The following GALNT13 variants were observed in gnomAD, a reference collection of about 807,000 sequenced individuals.
GALNT13 encodes UDP-GalNAc:polypeptide N-acetylgalactosaminyltransferase 13.
Under a neutral mutation model 64.2 loss-of-function variants are expected in GALNT13, and 28 were observed. The observed-to-expected ratio is 0.44, with a 90% confidence interval of 0.32 to 0.60. The LOEUF (loss-of-function observed/expected upper bound fraction) is 0.60. Ranked by LOEUF, GALNT13 falls within the 20% of genes least tolerant of loss-of-function variation. GALNT13 has a pLI of 0.05. For missense variants in GALNT13, 577 were observed against 669.8 expected, an observed-to-expected ratio of 0.86 and a Z score of 1.53; for synonymous variants, 214 against 224.6, an observed-to-expected ratio of 0.95 and a Z score of 0.42.
chr2:154,177,068 G>A (rs1685693269), intron 4 of GALNT13, among the ~76,000 whole-genome samples: 1 of 152,024 alleles, frequency 6.6e-6, no homozygotes, highest in Admixed American at 6.6e-5. Flanking sequence ...CATACATAAT[G>A]TTCAACAACA....
At chr2:153,114,834 C>G in the GALNT13 span, among the ~76,000 whole-genome samples, 1 of 151,652 alleles carries the variant, frequency 6.6e-6, no homozygotes, top group Non-Finnish European at 1.5e-5. Context: ...TCTTTTTTCT[C>G]TTTCCAATCC....
At chr2:153,320,432 T>C in the GALNT13 span, among the ~76,000 whole-genome samples, 6 of 152,166 alleles carry the variant, frequency 3.9e-5, no homozygotes, top group African/African-American at 1.4e-4. Context: ...TCTGTGCTTC[T>C]AGAGATATAA....
At chr2:153,080,974 C>T in the GALNT13 span, among the ~76,000 whole-genome samples, 79 of 151,918 alleles carry the variant, frequency 5.2e-4, no homozygotes, top group Admixed American at 8.5e-4. Flanking sequence ...GTATTCACTG[C>T]CCACCCTTAA....
At chr2:153,835,360 G>A in the GALNT13 span, among the ~76,000 whole-genome samples, 13 of 151,890 alleles carry the variant, frequency 8.6e-5, 2 homozygotes, top group African/African-American at 2.2e-4. Flanking sequence ...GTCCAACAAT[G>A]TACTTTCTTA....
chr2:153,869,520 C>T (rs1209580289), upstream of GALNT13, among the ~76,000 whole-genome samples: 2 of 152,026 alleles, frequency 1.3e-5, no homozygotes, highest in East Asian at 1.9e-4. Flanking sequence ...TTTGCTTTCT[C>T]GTGATTGCAT....
At chr2:153,733,092 C>T in the GALNT13 span, among the ~76,000 whole-genome samples, 1 of 152,054 alleles carries the variant, frequency 6.6e-6, no homozygotes, top group Admixed American at 6.6e-5. Context: ...CTTGATGAAT[C>T]ATTGAGAAGA....
At chr2:154,069,765 A>G (rs1700649411) in intron 3 of GALNT13, among the ~76,000 whole-genome samples, 1 of 152,106 alleles carries the variant, frequency 6.6e-6, no homozygotes, top group Non-Finnish European at 1.5e-5. Flanking sequence ...ACACCTATAC[A>G]TTGAGGAAAG....
At chr2:153,490,494 C>T in the GALNT13 span, among the ~76,000 whole-genome samples, 22 of 152,222 alleles carry the variant, frequency 1.4e-4, no homozygotes, top group Non-Finnish European at 2.4e-4. Flanking sequence ...ATTCTCATGT[C>T]TCAGCCTCCT....
At chr2:154,332,636 T>C (rs1196541743) in intron 9 of GALNT13, among the ~76,000 whole-genome samples, 2 of 152,098 alleles carry the variant, frequency 1.3e-5, no homozygotes, top group Admixed American at 1.3e-4. Context: ...AACAAATCTC[T>C]CCAGAACATG....
At chr2:154,155,878 T>C (rs2105645439) in intron 4 of GALNT13, among the ~76,000 whole-genome samples, 1 of 151,458 alleles carries the variant, frequency 6.6e-6, no homozygotes, top group African/African-American at 2.4e-5. Flanking sequence ...CAACTTGAAA[T>C]AAATGGAGCA....
At chr2:153,135,919 A>T in the GALNT13 span, among the ~76,000 whole-genome samples, 1 of 152,140 alleles carries the variant, frequency 6.6e-6, no homozygotes, top group African/African-American at 2.4e-5. Context: ...ACAAAAAAAT[A>T]ACATGAAGTA....
chr2:153,839,536 T>G, the GALNT13 span, among the ~76,000 whole-genome samples: 247 of 152,034 alleles, frequency 1.6e-3, 2 homozygotes, highest in Middle Eastern at 0.014. Context: ...TCCTTCCTTC[T>G]GTTAATATTG....
At chr2:153,517,828 T>C in the GALNT13 span, among the ~76,000 whole-genome samples, 1 of 152,154 alleles carries the variant, frequency 6.6e-6, no homozygotes, top group African/African-American at 2.4e-5. Context: ...GTATATAGTT[T>C]CAAGGTATCT....
intron 3 of GALNT13, among the ~76,000 whole-genome samples, chr2:154,039,357 C>T (rs1266455609): frequency 7.2e-5 from 10 of 138,570 alleles, no homozygotes; most frequent in East Asian, 6.1e-4. Context: ...ATAGAATCAA[C>T]GTAAGTACTC....
the GALNT13 span, among the ~76,000 whole-genome samples, chr2:153,810,545 G>A: frequency 6.6e-6 from 1 of 151,930 alleles, no homozygotes; most frequent in Non-Finnish European, 1.5e-5. Flanking sequence ...TTTTACAATT[G>A]TACCCATTCT....
At chr2:153,075,999 G>A in the GALNT13 span, among the ~76,000 whole-genome samples, 1 of 151,946 alleles carries the variant, frequency 6.6e-6, no homozygotes, top group Non-Finnish European at 1.5e-5. Context: ...ATATTTCATG[G>A]TGTATTAAAT....
At chr2:153,211,889 C>A in the GALNT13 span, among the ~76,000 whole-genome samples, 1 of 152,162 alleles carries the variant, frequency 6.6e-6, no homozygotes, top group Non-Finnish European at 1.5e-5. Context: ...TTGTTAGATG[C>A]AGTCTGAACT....
chr2:154,331,249 T>G (rs1695152239), intron 9 of GALNT13, among the ~76,000 whole-genome samples: 1 of 152,082 alleles, frequency 6.6e-6, no homozygotes, highest in Non-Finnish European at 1.5e-5. Flanking sequence ...TCGTCTGAAA[T>G]AATCTCCACT....
chr2:154,156,812 A>T (rs1210735174), intron 4 of GALNT13, among the ~76,000 whole-genome samples: 1 of 152,210 alleles, frequency 6.6e-6, no homozygotes, highest in African/African-American at 2.4e-5. Context: ...GAACTTATAT[A>T]GATATAAGGG....
Sources: gnomAD v4.1 joint callset for allele counts (sites outside exome capture counted in the v4.1 genomes callset) on GRCh38, gnomAD v4.1.1 for gene constraint, MANE v1.5 for transcripts, NCBI Gene and HGNC (gene_info 2026-07-23, HGNC 2026-07-21) for gene names.